TUBB4B: variants seen among roughly 807,000 people sequenced by gnomAD.
TUBB4B encodes the protein tubulin beta 4B class IVb.
Under a neutral mutation model 34.3 loss-of-function variants are expected in TUBB4B, and 7 were observed. That is an observed-to-expected ratio of 0.20 (90% confidence interval 0.12 to 0.38). TUBB4B has a LOEUF of 0.38. Among genes scored for constraint, TUBB4B ranks in the 10% least tolerant of loss-of-function variants. TUBB4B has a pLI of 1.00. For missense variants in TUBB4B, 178 were observed against 610.9 expected, an observed-to-expected ratio of 0.29 and a Z score of 7.47; for synonymous variants, 390 against 250.2, an observed-to-expected ratio of 1.56 and a Z score of -5.27.
In TUBB4B at chr9:137,242,479, G is replaced by T. The variant is rs372125446; in HGVS notation, c.278-17G>T. ...TGTCTACCTGGCTGACAAATGATTAGCTGTGTTCTCTCACAGGTCAGAGTG... is the reference window on the plus strand; with the variant it reads ...TGTCTACCTGGCTGACAAATGATTATCTGTGTTCTCTCACAGGTCAGAGTG... On this transcript the variant is annotated splice_polypyrimidine_tract_variant and intron_variant, in intron 3 of 3. Coordinates refer to ENST00000340384, the MANE Select transcript of TUBB4B (RefSeq NM_006088.6). 4 of 1,607,622 alleles carry T rather than the reference G, an allele frequency of 2.5e-6. No individual in the cohort carries two copies. In the African/African-American group the frequency reaches 5.3e-5, roughly 21 times the overall value.
In TUBB4B at chr9:137,241,771, C is replaced by T. The variant is rs764169492; in HGVS notation, c.108C>T (p.Tyr36=). Residue 36 remains tyrosine, a synonymous_variant, in exon 2 of 4, where the codon TAC becomes TAT. Transcript: ENST00000340384. The part of the protein sequence containing the change: ...DEHGIDPTGT[Y]HGDSDLQLER... Reference sequence around the variant, plus strand: ...ACGGCATCGACCCCACGGGCACCTACCACGGGGACAGCGACCTGCAGCTGG... The same window carrying T: ...ACGGCATCGACCCCACGGGCACCTATCACGGGGACAGCGACCTGCAGCTGG... The T allele has an allele frequency of 1.2e-5, 19 of 1,612,196 alleles. No individual in the cohort carries two copies. The highest frequency in any genetic ancestry group is 2.2e-5 in the South Asian group (2 of 91,086).
chr9:137,242,468 A>C (rs367775012), intron 3 of TUBB4B, 28 bp from the exon 4 acceptor site: 2 of 1,601,746 alleles, frequency 1.2e-6, no homozygotes, highest in South Asian at 2.2e-5. Context: ...TACCTGGCTG[A>C]CAAATGATTA....
At position 137,241,750 on chromosome 9, in the gene TUBB4B, C is replaced by T. The variant is rs1168891550; in HGVS notation, c.87C>T (p.Gly29=). 3 of 1,612,120 alleles carry T rather than the reference C, an allele frequency of 1.9e-6. No individual in the cohort carries two copies. The highest frequency in any genetic ancestry group is 1.7e-6 in the Non-Finnish European group (2 of 1,179,502). The change falls in exon 2 of 4, where the codon GGC becomes GGT. Residue 29 remains glycine (G), a synonymous_variant. Transcript: ENST00000340384. ...GGGAGGTGATCAGCGATGAGCACGG[C>T]ATCGACCCCACGGGCACCTACCACG... ...KFWEVISDEH[G]IDPTGTYHGD...
In TUBB4B at chr9:137,243,082, G is replaced by A. The variant is rs1764108263; in HGVS notation, c.864G>A (p.Glu288=). The change falls in exon 4 of 4, where the codon GAG becomes GAA. Residue 288 remains glutamate, a synonymous_variant. Transcript: ENST00000340384. ...AGTACCGGGCGCTGACCGTGCCCGA[G>A]CTCACCCAGCAGATGTTTGATGCCA... ...SQQYRALTVP[E]LTQQMFDAKN... The A allele has an allele frequency of 6.2e-7, 1 of 1,612,872 alleles. No homozygotes were observed. The highest frequency in any genetic ancestry group is 1.7e-5 in the Admixed American group (1 of 60,002).
chr9:137,242,151 C>G, intron 3 of TUBB4B, 130 bp downstream of exon 3: 3 of 956,690 alleles, frequency 3.1e-6, no homozygotes. Context: ...ATCCCCTCTA[C>G]TAAATCGGCT....
At position 137,243,704 on chromosome 9, in the gene TUBB4B, A is replaced by C; in HGVS notation, c.*148A>C. The C allele has an allele frequency of 6.2e-7, 1 of 1,614,076 alleles. No homozygotes were observed. The highest frequency in any genetic ancestry group is 1.1e-5 in the South Asian group (1 of 91,086). ...GACACCACCATTAAAGCATTTTCAT[A>C]GTGTGTGGTTTCGCTTTGCCCATTC... On this transcript the variant is annotated 3_prime_UTR_variant, in exon 4 of 4. Coordinates refer to ENST00000340384, the MANE Select transcript of TUBB4B (RefSeq NM_006088.6).
At position 137,242,671 on chromosome 9, in the gene TUBB4B, C is replaced by G. The variant is rs745501732; in HGVS notation, c.453C>G (p.Leu151=). The part of the protein sequence containing the change: ...GGTGSGMGTL[L]ISKIREEYPD... ...CTGGGTCTGGGATGGGTACCCTCCT[C>G]ATCAGCAAGATCCGGGAGGAGTACC... The change falls in exon 4 of 4, where the codon CTC becomes CTG. Residue 151 remains leucine (L), a synonymous_variant. Coordinates refer to ENST00000340384, the MANE Select transcript of TUBB4B (RefSeq NM_006088.6). 6.2e-7 allele frequency: 1 copy of G among 1,613,680 alleles called. No homozygotes were observed. The highest frequency in any genetic ancestry group is 1.1e-5 in the South Asian group (1 of 91,090).
chr9:137,241,580 C>A, intron 1 of TUBB4B, 141 bp from the exon 2 acceptor site: 1 of 800,098 alleles, frequency 1.2e-6, no homozygotes, highest in South Asian at 5.5e-5. Context: ...CCCCCAGGAA[C>A]CCGGCGGCCA....
chr9:137,243,070 G>T lies in TUBB4B; in HGVS notation c.852G>T (p.Leu284=), dbSNP rs779051325. ...GGGGCAGCCAGCAGTACCGGGCGCT[G>T]ACCGTGCCCGAGCTCACCCAGCAGA... The part of the protein sequence containing the change: ...TSRGSQQYRA[L]TVPELTQQMF... Residue 284 remains leucine, a synonymous_variant, in exon 4 of 4, where the codon CTG becomes CTT. Transcript: ENST00000340384. The T allele has an allele frequency of 1.9e-6, 3 of 1,612,990 alleles. No homozygotes were observed. The highest frequency in any genetic ancestry group is 2.5e-6 in the Non-Finnish European group (3 of 1,180,030).
rs751878853 is a variant in TUBB4B at position 137,243,662 on chromosome 9, C to T, written c.*106C>T. 6.2e-6 allele frequency: 10 copies of T among 1,613,968 alleles called. No individual in the cohort carries two copies. Among genetic ancestry groups the T allele is most frequent in the South Asian group, 4.4e-5 (4 of 91,092 alleles). On this transcript the variant is annotated 3_prime_UTR_variant, in exon 4 of 4. Transcript: ENST00000340384. The stretch of plus-strand genomic sequence containing the variant: ...GTGTGCACTTGCTGTTTTCCCTGTC[C>T]ACATCCATGCTGTACAGACACCACC...
intron 3 of TUBB4B, 154 bp downstream of exon 3, chr9:137,242,175 C>T (rs1836762779): frequency 8.8e-6 from 7 of 795,260 alleles, no homozygotes; most frequent in Non-Finnish European, 1.2e-5. Context: ...GGAGCAAGGT[C>T]CAGCTGTCTG....
At chr9:137,242,321 A>C in intron 3 of TUBB4B, 175 bp from the exon 4 acceptor site, 1 of 805,742 alleles carries the variant, frequency 1.2e-6, no homozygotes, top group Admixed American at 2.9e-5. Flanking sequence ...TTGGCCCCTG[A>C]CTTAATTCGT....
At position 137,243,293 on chromosome 9, in the gene TUBB4B, C is replaced by G; in HGVS notation, c.1075C>G (p.Arg359Gly). 1 of 1,613,620 alleles carries G rather than the reference C, an allele frequency of 6.2e-7. No homozygotes were observed. The highest frequency in any genetic ancestry group is 1.1e-5 in the South Asian group (1 of 91,084). Residue 359 changes from arginine to glycine, a missense_variant, in exon 4 of 4, where the codon CGG (arginine) becomes GGG (glycine). By Grantham distance (125) the Arg-to-Gly change is moderately radical (BLOSUM62 -2). Transcript: ENST00000340384. The stretch of plus-strand genomic sequence containing the variant: ...AACGGCTGTCTGTGACATCCCACCT[C>G]GGGGGCTAAAAATGTCCGCCACCTT... Reference protein sequence around the residue: ...VKTAVCDIPPRGLKMSATFIG... With the variant: ...VKTAVCDIPPGGLKMSATFIG...
intron 1 of TUBB4B, 133 bp from the exon 2 acceptor site, chr9:137,241,588 C>T: frequency 1.3e-6 from 1 of 779,154 alleles, no homozygotes; most frequent in Non-Finnish European, 1.6e-6. Flanking sequence ...AACCCGGCGG[C>T]CAGGGCGCGC....
In TUBB4B at chr9:137,243,406, C is replaced by T; in HGVS notation, c.1188C>T (p.His396=). 1 of 1,613,646 alleles carries T rather than the reference C, an allele frequency of 6.2e-7. No homozygotes were observed. The highest frequency in any genetic ancestry group is 8.5e-7 in the Non-Finnish European group (1 of 1,180,044). ...TAMFRRKAFL[H]WYTGEGMDEM... ...TGTTCCGGCGCAAGGCCTTCCTGCA[C>T]TGGTACACGGGCGAGGGCATGGACG... is the stretch of plus-strand genomic sequence containing the variant. The change falls in exon 4 of 4, where the codon CAC becomes CAT. Residue 396 remains histidine (H), a synonymous_variant. Coordinates refer to ENST00000340384, the MANE Select transcript of TUBB4B (RefSeq NM_006088.6).
chr9:137,241,700 G>A (rs773226620), intron 1 of TUBB4B, 21 bp from the exon 2 acceptor site: 3 of 1,602,146 alleles, frequency 1.9e-6, no homozygotes, highest in Non-Finnish European at 2.6e-6. Context: ...GCCCGCCCGG[G>A]CCCGCCCGCG....
rs1449985732 is a variant in TUBB4B, at chr9:137,242,632, C to T, written c.414C>T (p.Ser138=). 1.2e-6 allele frequency: 2 copies of T among 1,613,544 alleles called. No homozygotes were observed. Among genetic ancestry groups the T allele is most frequent in the Non-Finnish European group, 1.7e-6 (2 of 1,180,008 alleles). Residue 138 remains serine, a synonymous_variant, in exon 4 of 4, where the codon TCC becomes TCT. Transcript: ENST00000340384. ...DCLQGFQLTH[S]LGGGTGSGMG... ...TGCAGGGTTTCCAGCTGACCCACTC[C>T]CTGGGTGGGGGGACTGGGTCTGGGA...
In TUBB4B at chr9:137,242,469, C is replaced by G. The variant is rs971386752; in HGVS notation, c.278-27C>G. The G allele has an allele frequency of 3.1e-6, 5 of 1,602,080 alleles. No homozygotes were observed. In the African/African-American group the frequency reaches 5.4e-5, roughly 17 times the overall value. On this transcript the variant is annotated intron_variant, in intron 3 of 3. Coordinates refer to ENST00000340384, the MANE Select transcript of TUBB4B (RefSeq NM_006088.6). ...CCAGTAGTGCTGTCTACCTGGCTGACAAATGATTAGCTGTGTTCTCTCACA... is the reference window on the plus strand; with the variant it reads ...CCAGTAGTGCTGTCTACCTGGCTGAGAAATGATTAGCTGTGTTCTCTCACA...
At position 137,242,512 on chromosome 9, in the gene TUBB4B, G is replaced by C. The variant is rs1158272989; in HGVS notation, c.294G>C (p.Gly98=). The stretch of plus-strand genomic sequence containing the variant: ...CTCTCACAGGTCAGAGTGGTGCTGG[G>C]AACAACTGGGCCAAGGGGCACTACA... ...DNFVFGQSGA[G]NNWAKGHYTE... The change falls in exon 4 of 4, where the codon GGG becomes GGC. Residue 98 remains glycine, a synonymous_variant. Coordinates refer to ENST00000340384, the MANE Select transcript of TUBB4B (RefSeq NM_006088.6). The C allele has an allele frequency of 6.2e-7, 1 of 1,613,396 alleles. No homozygotes were observed. The highest frequency in any genetic ancestry group is 8.5e-7 in the Non-Finnish European group (1 of 1,179,770).
Sources: allele counts gnomAD v4.1 joint callset, GRCh38; gene constraint gnomAD v4.1.1; transcripts MANE v1.5; gene names NCBI Gene and HGNC (gene_info 2026-07-23, HGNC 2026-07-21).